The following TNFRSF19 variants were observed in gnomAD, a reference collection of about 807,000 sequenced individuals.
TNFRSF19 encodes tumor necrosis factor receptor superfamily member 19.
In TNFRSF19, 27 loss-of-function variants were observed where a neutral mutation model predicts 46.4. The ratio of observed to expected loss-of-function variants is 0.58; its 90% CI spans 0.43 to 0.80. The LOEUF is 0.80. Among genes scored for constraint, TNFRSF19 ranks in the 30% least tolerant of loss-of-function variants. The pLI, the probability that TNFRSF19 is intolerant of heterozygous loss-of-function variation, is 0.00. For synonymous variants in TNFRSF19, 204 were observed against 205.0 expected (o/e 1.00, Z 0.04); for missense variants, 511 against 530.8 (o/e 0.96, Z 0.37).
At chr13:23,629,645 C>T (rs574759795) in intron 5 of TNFRSF19, among the ~76,000 whole-genome samples, 10 of 152,302 alleles carry the variant, frequency 6.6e-5, no homozygotes, top group African/African-American at 2.2e-4. Flanking sequence ...GATGGTGTAA[C>T]CTTGGGCAAA....
chr13:23,614,537 G>A (rs1217010592), intron 3 of TNFRSF19, among the ~76,000 whole-genome samples: 2 of 152,042 alleles, frequency 1.3e-5, no homozygotes, highest in Non-Finnish European at 2.9e-5. Flanking sequence ...GGAAACTGAG[G>A]TTTCTTGCAA....
At chr13:23,597,565 A>G (rs1218166116) in intron 3 of TNFRSF19, among the ~76,000 whole-genome samples, 1 of 152,134 alleles carries the variant, frequency 6.6e-6, no homozygotes, top group South Asian at 2.1e-4. Context: ...TAAATCCCTG[A>G]ATAGACCAAT....
chr13:23,616,134 C>A, intron 4 of TNFRSF19, 89 bp downstream of exon 4: 1 of 1,315,202 alleles, frequency 7.6e-7, no homozygotes, highest in Non-Finnish European at 1.0e-6. Context: ...AACTGGAATG[C>A]ATGCTGGTAT....
rs1182271698 is a variant in TNFRSF19 at position 23,576,783 on chromosome 13, AT to A, written c.-35+5943del. On this transcript the variant is annotated intron_variant, in intron 1 of 9. Transcript: ENST00000248484. ...ATGTTCAGTACAGACACAACCATTC[AT>A]TTTTTTTCAAATATTTTCAATCTGC... 2.0e-5 allele frequency among the ~76,000 whole-genome samples: 3 copies of A among 151,904 alleles called. No individual in the cohort carries two copies. In the South Asian group the frequency reaches 6.2e-4, roughly 32 times the overall value.
intron 1 of TNFRSF19, among the ~76,000 whole-genome samples, chr13:23,579,682 C>T (rs1427332734): frequency 6.6e-6 from 1 of 152,150 alleles, no homozygotes; most frequent in Non-Finnish European, 1.5e-5. Context: ...GAGTACTGCG[C>T]GGCGAAGGGA....
intron 5 of TNFRSF19, among the ~76,000 whole-genome samples, chr13:23,650,793 G>T (rs1006071923): frequency 6.6e-6 from 1 of 152,116 alleles, no homozygotes; most frequent in Non-Finnish European, 1.5e-5. Flanking sequence ...AGAGCAAACA[G>T]AACAAGCTTT....
chr13:23,607,987 A>T (rs116610576), intron 3 of TNFRSF19, among the ~76,000 whole-genome samples: 1 of 152,020 alleles, frequency 6.6e-6, no homozygotes, highest in South Asian at 2.1e-4. Context: ...TTCCATTGTT[A>T]GTTAGGTTTC....
At chr13:23,607,116 C>T (rs1880562108) in intron 3 of TNFRSF19, among the ~76,000 whole-genome samples, 1 of 151,874 alleles carries the variant, frequency 6.6e-6, no homozygotes, top group African/African-American at 2.4e-5. Flanking sequence ...TATAAATAAT[C>T]TTTTTTAAAG....
chr13:23,621,832 C>G (rs757286597), intron 4 of TNFRSF19, among the ~76,000 whole-genome samples: 1 of 151,942 alleles, frequency 6.6e-6, no homozygotes, highest in Non-Finnish European at 1.5e-5. Flanking sequence ...CACCTGTAGT[C>G]CCAGCTACTT....
intron 9 of TNFRSF19, among the ~76,000 whole-genome samples, chr13:23,671,540 C>A (rs902631215): frequency 6.6e-6 from 1 of 151,630 alleles, no homozygotes; most frequent in Non-Finnish European, 1.5e-5. Context: ...ACTTACTAAT[C>A]TGTGAAATGT....
At chr13:23,630,202 C>T (rs35713699) in intron 5 of TNFRSF19, among the ~76,000 whole-genome samples, 30,660 of 147,880 alleles carry the variant, frequency 0.21, 3,745 homozygotes, top group East Asian at 0.3. Flanking sequence ...ACTTGGGAGG[C>T]TGGGGTGGGA....
chr13:23,618,229 A>G (rs1881435970), intron 4 of TNFRSF19, among the ~76,000 whole-genome samples: 1 of 152,184 alleles, frequency 6.6e-6, no homozygotes, highest in Non-Finnish European at 1.5e-5. Context: ...AGGAGAAAAT[A>G]CTGGCAAATC....
chr13:23,667,545 G>A (rs556127570), intron 7 of TNFRSF19, among the ~76,000 whole-genome samples: 31 of 152,200 alleles, frequency 2.0e-4, no homozygotes, highest in African/African-American at 4.6e-4. Context: ...CCTTTTCCCC[G>A]CTTATTATTG....
rs1351056210 is a variant in TNFRSF19, at chr13:23,675,296, T to C, written c.*1916T>C. Reference sequence around the variant, plus strand: ...CAGAGAGATGATGTTTGCATTTCTGTTATGACAGAGAGATGATGAAAGTAG... The same window carrying C: ...CAGAGAGATGATGTTTGCATTTCTGCTATGACAGAGAGATGATGAAAGTAG... On this transcript the variant is annotated 3_prime_UTR_variant, in exon 10 of 10. Coordinates refer to ENST00000248484, the MANE Select transcript of TNFRSF19 (RefSeq NM_148957.4). The C allele has an allele frequency of 2.0e-5, 3 of 151,866 alleles. No homozygotes were observed. Among genetic ancestry groups the C allele is most frequent in the African/African-American group, 4.9e-5 (2 of 41,118 alleles). 9.4% of individuals were successfully genotyped at this position (151,866 alleles called of 1,614,324 possible). A position where few individuals can be genotyped will look rare whatever the true frequency, so the allele number is the denominator to read the frequency against.
At chr13:23,619,059 T>C (rs975430661) in intron 4 of TNFRSF19, among the ~76,000 whole-genome samples, 2 of 152,194 alleles carry the variant, frequency 1.3e-5, no homozygotes, top group African/African-American at 4.8e-5. Flanking sequence ...GAAATAAATT[T>C]CTGTTATTTA....
intron 5 of TNFRSF19, among the ~76,000 whole-genome samples, chr13:23,642,963 G>T (rs73156780): frequency 6.6e-6 from 1 of 152,246 alleles, no homozygotes; most frequent in African/African-American, 2.4e-5. Context: ...CTTTTCATAC[G>T]TATATTAATT....
At position 23,643,724 on chromosome 13, in the gene TNFRSF19, C is replaced by T. The variant is rs55774700; in HGVS notation, c.446-15326C>T. Reference sequence around the variant, plus strand: ...AGAATTGCCGGATGGCGAGAAGGTGCGAAGATCCTCCATGGGATATCTCCA... The same window carrying T: ...AGAATTGCCGGATGGCGAGAAGGTGTGAAGATCCTCCATGGGATATCTCCA... On this transcript the variant is annotated intron_variant, in intron 5 of 9. Coordinates refer to ENST00000248484, the MANE Select transcript of TNFRSF19 (RefSeq NM_148957.4). Among the ~76,000 whole-genome samples, 1,100 of 152,296 alleles carry T rather than the reference C, an allele frequency of 7.2e-3. 15 individuals carry two copies. The highest frequency in any genetic ancestry group is 0.025 in the African/African-American group (1,040 of 41,550).
intron 3 of TNFRSF19, among the ~76,000 whole-genome samples, chr13:23,612,714 T>C (rs1212509779): frequency 1.3e-5 from 2 of 152,210 alleles, no homozygotes; most frequent in Admixed American, 6.5e-5. Flanking sequence ...ATTTCCCAAA[T>C]AAACAGTCTT....
At chr13:23,590,128 C>A in intron 1 of TNFRSF19, 22 bp from the exon 2 acceptor site, 1 of 1,215,024 alleles carries the variant, frequency 8.2e-7, no homozygotes, top group Non-Finnish European at 1.2e-6. Context: ...ATATTAACTG[C>A]ATCTTCCTAT....
Sources: gnomAD v4.1 joint callset for allele counts (sites outside exome capture counted in the v4.1 genomes callset) on GRCh38, gnomAD v4.1.1 for gene constraint, MANE v1.5 for transcripts, NCBI Gene and HGNC (gene_info 2026-07-23, HGNC 2026-07-21) for gene names.